Variants in SHC2 observed in about 807,000 individuals in gnomAD.
SHC2 encodes the protein SHC-transforming protein 2.
In SHC2, 62 loss-of-function variants were observed where a neutral mutation model predicts 60.6. That is an observed-to-expected ratio of 1.02 (90% CI 0.83 to 1.26). SHC2 has a LOEUF of 1.26. SHC2 is among the 50% of genes most tolerant of loss of function. SHC2 has a pLI of 0.00. For synonymous variants in SHC2, 375 were observed against 372.4 expected, an observed-to-expected ratio of 1.01 and a Z score of -0.08; for missense variants, 873 against 822.2, an observed-to-expected ratio of 1.06 and a Z score of -0.76.
At position 425,966 on chromosome 19, in the gene SHC2, T is replaced by C. The variant is rs1974405508; in HGVS notation, c.1175-735A>G. ...ATCACTTGAATTCAGGACGCACAGA[T>C]TGCAGTGAGCTGAGATTGTGCCATT... On this transcript the variant is annotated intron_variant, in intron 9 of 12. Transcript: ENST00000264554. This position sits in a 1 kb window ranked among gnomAD's most constrained non-coding sequence, Gnocchi z 4.1. Among the ~76,000 whole-genome samples, 1 of 151,302 alleles carries C rather than the reference T, an allele frequency of 6.6e-6. No individual in the cohort carries two copies. Among genetic ancestry groups the C allele is most frequent in the Non-Finnish European group, 1.5e-5 (1 of 67,940 alleles).
chr19:460,522 G>T lies in SHC2; in HGVS notation c.468+7C>A, dbSNP rs1410282825. On this transcript the variant is annotated splice_region_variant and intron_variant, in intron 1 of 12. Transcript: ENST00000264554. Reference sequence around the variant, plus strand: ...ACGGGCTCCCGGGGGGGGTGGGGGGGACTCACCCGCACGACGTAGGAGACC... The same window carrying T: ...ACGGGCTCCCGGGGGGGGTGGGGGGTACTCACCCGCACGACGTAGGAGACC... The T allele has an allele frequency of 7.1e-6, 7 of 983,006 alleles. No individual in the cohort carries two copies. The East Asian group carries it at 3.6e-4, about 51-fold the overall frequency. The allele number at this position is 983,006 out of a possible 1,614,324, so 60.9% of individuals were successfully genotyped here.
At position 460,664 on chromosome 19, in the gene SHC2, C is replaced by G. The variant is rs1975527060; in HGVS notation, c.333G>C (p.Arg111=). Residue 111 remains arginine (R), a synonymous_variant, in exon 1 of 13, where the codon CGG becomes CGC. Transcript: ENST00000264554. The stretch of plus-strand genomic sequence containing the variant: ...CGGCGTCCCCGGACCCCGCCGCCCC[C>G]CGCCCGCCCCGCGACCCCCGCGACC... ...GAGSRGSRGG[R]GAAGSGDAAA... The G allele has an allele frequency of 9.8e-6, 11 of 1,127,460 alleles. No homozygotes were observed. The highest frequency in any genetic ancestry group is 1.2e-5 in the Non-Finnish European group (11 of 924,726). 69.8% of individuals were successfully genotyped at this position (1,127,460 alleles called of 1,614,324 possible).
rs1362273996 is a variant in SHC2, at chr19:453,197, C to T, written c.468+7332G>A. 1.3e-5 allele frequency: 2 copies of T among 152,200 alleles called. No homozygotes were observed. The highest frequency in any genetic ancestry group is 2.4e-5 in the African/African-American group (1 of 41,440). 9.4% of individuals were successfully genotyped at this position (152,200 alleles called of 1,614,324 possible). The stretch of plus-strand genomic sequence containing the variant: ...TCTGGCCTTGGAAGCTGAGCAGGGT[C>T]GGGCCTGATTGGTACTTGGATGGGA... On this transcript the variant is annotated intron_variant, in intron 1 of 12. Coordinates refer to ENST00000264554, the MANE Select transcript of SHC2 (RefSeq NM_012435.3). This position sits in a 1 kb window ranked among gnomAD's most constrained non-coding sequence, Gnocchi z 6.3.
At chr19:458,219 C>T (rs1292226251) in intron 1 of SHC2, among the ~76,000 whole-genome samples, 2 of 60,932 alleles carry the variant, frequency 3.3e-5, no homozygotes, top group African/African-American at 7.4e-5. Context: ...GGGAGGCAGA[C>T]GCGGGTTCCG....
At chr19:418,126 C>CG (rs1182569565) in intron 12 of SHC2, among the ~76,000 whole-genome samples, 9 of 152,148 alleles carry the variant, frequency 5.9e-5, no homozygotes, top group African/African-American at 2.2e-4. Context: ...TGGGTCCCCC[C>CG]GGGCCCCGCA....
intron 1 of SHC2, among the ~76,000 whole-genome samples, chr19:458,835 G>A (rs1485100706): frequency 6.6e-6 from 1 of 150,910 alleles, no homozygotes; most frequent in East Asian, 2.0e-4. Flanking sequence ...AGGCGGAAGA[G>A]GGTTCCGGGG....
intron 1 of SHC2, among the ~76,000 whole-genome samples, chr19:458,118 GTC>G (rs1491080988): frequency 2.3e-4 from 33 of 142,918 alleles, no homozygotes; most frequent in Non-Finnish European, 3.2e-4. Context: ...GCAGAAGCGG[GTC>G]TTGGGGAGGC....
rs1013777509 is a variant in SHC2, at chr19:461,011, G to A, written c.-15C>T. The A allele has an allele frequency of 4.5e-6, 4 of 890,178 alleles. No homozygotes were observed. The highest frequency in any genetic ancestry group is 1.8e-5 in the African/African-American group (1 of 54,728). 55.1% of individuals were successfully genotyped at this position (890,178 alleles called of 1,614,324 possible). A position where few individuals can be genotyped will look rare whatever the true frequency, so the allele number is the denominator to read the frequency against. On this transcript the variant is annotated 5_prime_UTR_variant, in exon 1 of 13. Coordinates refer to ENST00000264554, the MANE Select transcript of SHC2 (RefSeq NM_012435.3). The stretch of plus-strand genomic sequence containing the variant: ...CCCTGCGTCATGGCCGCGGCCGCCC[G>A]ACGGAGCCCGACCGGGCGCTGCGCC...
Position 436,613 on chromosome 19 carries a change from C to A in SHC2, c.774+17G>T, listed in dbSNP as rs1974728688. On this transcript the variant is annotated intron_variant, in intron 5 of 12. Coordinates refer to ENST00000264554, the MANE Select transcript of SHC2 (RefSeq NM_012435.3). ...GGGGCGGCAGGGCTGCAGGTCCACC[C>A]CCATCCCTGGCCTCACCGTGTCTCC... 6.2e-7 allele frequency: 1 copy of A among 1,601,820 alleles called. No homozygotes were observed. The highest frequency in any genetic ancestry group is 8.5e-7 in the Non-Finnish European group (1 of 1,176,746).
At chr19:420,942 C>T (rs1193941830) in intron 11 of SHC2, among the ~76,000 whole-genome samples, 1 of 151,086 alleles carries the variant, frequency 6.6e-6, no homozygotes, top group Non-Finnish European at 1.5e-5. Context: ...CTCAGCTACT[C>T]GGGAGGCTGA....
rs941476919 is a variant in SHC2 at position 445,331 on chromosome 19, C to T, written c.469-4399G>A. ...AGACCCCAGACAGAGCCCAGCCCTCCACCACGTGAGGACACAGGAGAACAC... is the reference window on the plus strand; with the variant it reads ...AGACCCCAGACAGAGCCCAGCCCTCTACCACGTGAGGACACAGGAGAACAC... On this transcript the variant is annotated intron_variant, in intron 1 of 12. Transcript: ENST00000264554. The surrounding 1 kb of genome is among the most constrained non-coding windows in gnomAD (Gnocchi z 4.4). Among the ~76,000 whole-genome samples, 2 of 152,180 alleles carry T rather than the reference C, an allele frequency of 1.3e-5. No homozygotes were observed. The highest frequency in any genetic ancestry group is 2.4e-5 in the African/African-American group (1 of 41,448).
chr19:444,147 G>GATGA (rs1294620974), intron 1 of SHC2, among the ~76,000 whole-genome samples: 1 of 151,654 alleles, frequency 6.6e-6, no homozygotes, highest in Non-Finnish European at 1.5e-5. Context: ...TTGGTGGGTG[G>GATGA]ATGAATGGAT....
chr19:440,971 C>G lies in SHC2; in HGVS notation c.469-39G>C. 6.3e-7 allele frequency: 1 copy of G among 1,588,322 alleles called. No individual in the cohort carries two copies. The highest frequency in any genetic ancestry group is 1.1e-5 in the South Asian group (1 of 90,638). ...ACAGGTGTCAGATGCCATCGGAACC[C>G]CCGCAGTGGAGCCACGTCCCTTTTC... is the stretch of plus-strand genomic sequence containing the variant. On this transcript the variant is annotated intron_variant, in intron 1 of 12. Transcript: ENST00000264554. This position sits in a 1 kb window ranked among gnomAD's most constrained non-coding sequence, Gnocchi z 7.0.
At chr19:430,009 C>A (rs190694283) in intron 9 of SHC2, among the ~76,000 whole-genome samples, 66 of 145,602 alleles carry the variant, frequency 4.5e-4, no homozygotes, top group South Asian at 1.6e-3. Context: ...AAACCTAACA[C>A]CGTGTGGATG....
At position 440,025 on chromosome 19, in the gene SHC2, CAAAAAAAAAA is replaced by C. The variant is rs60912837; in HGVS notation, c.539+827_539+836del. 4.5e-5 allele frequency among the ~76,000 whole-genome samples: 3 copies of C among 66,428 alleles called. No homozygotes were observed. Among genetic ancestry groups the C allele is most frequent in the African/African-American group, 1.5e-4 (3 of 19,396 alleles). 43.6% of individuals were successfully genotyped at this position (66,428 alleles called of 152,430 possible). Reference sequence around the variant, plus strand: ...TGGGCAACAGAGTGAGACTCCATCTCAAAAAAAAAAAAAAAAAAGGAGCAAGGCTCTGACC... The same window carrying C: ...TGGGCAACAGAGTGAGACTCCATCTCAAAAAAAAGGAGCAAGGCTCTGACC... On this transcript the variant is annotated intron_variant, in intron 2 of 12. Transcript: ENST00000264554. The surrounding 1 kb of genome is among the most constrained non-coding windows in gnomAD (Gnocchi z 7.0).
intron 9 of SHC2, among the ~76,000 whole-genome samples, chr19:427,874 ACAGAGAAGGGGGAACTGCACACGGCG>A: frequency 7.8e-6 from 1 of 128,450 alleles, no homozygotes; most frequent in Non-Finnish European, 1.6e-5. Flanking sequence ...TGCACACGGC[ACAGAGAAGGGGGAACTGCACACGGCG>A]CAGGGAAGGG....
chr19:435,329 C>A (rs1974690983), intron 7 of SHC2, among the ~76,000 whole-genome samples: 1 of 152,260 alleles, frequency 6.6e-6, no homozygotes, highest in African/African-American at 2.4e-5. Context: ...CCCCACCTGG[C>A]CCACAGTCGC....
chr19:458,388 ATCGGGTTCCGGGGAG>A (rs1975429771), intron 1 of SHC2, among the ~76,000 whole-genome samples: 3 of 120,692 alleles, frequency 2.5e-5, no homozygotes, highest in African/African-American at 6.2e-5. Context: ...GGGAGGCGGA[ATCGGGTTCCGGGGAG>A]GCGGAAGCGG....
At position 434,731 on chromosome 19, in the gene SHC2, C is replaced by A; in HGVS notation, c.1088G>T (p.Cys363Phe). The change falls in exon 8 of 13, where the codon TGC becomes TTC. Residue 363 changes from cysteine to phenylalanine, a missense_variant. Transcript: ENST00000264554. ...VDSRLALTQP[C>F]ALTALDQGPS... ...GACCTGGTCGAGGGCCGTGAGGGCG[C>A]AGGGCTGTGTCAGGGCCAGCCTGGA... 1.2e-6 allele frequency: 2 copies of A among 1,611,956 alleles called. No homozygotes were observed. Among genetic ancestry groups the A allele is most frequent in the Non-Finnish European group, 1.7e-6 (2 of 1,179,570 alleles).
Sources: gnomAD v4.1 joint callset for allele counts (sites outside exome capture counted in the v4.1 genomes callset) on GRCh38, gnomAD v4.1.1 for gene constraint, Gnocchi (gnomAD v3.1) non-coding constraint, MANE v1.5 for transcripts, NCBI Gene and HGNC (gene_info 2026-07-23, HGNC 2026-07-21) for gene names.